PREX1: variants seen among roughly 807,000 people sequenced by gnomAD.
The protein encoded by PREX1 is phosphatidylinositol-3,4,5-trisphosphate dependent Rac exchange factor 1.
In PREX1, 41 loss-of-function variants were observed where a neutral mutation model predicts 198.3. That is an observed-to-expected ratio of 0.21 (90% CI 0.16 to 0.27). PREX1 has a LOEUF of 0.27. Ranked by LOEUF, PREX1 falls within the 10% of genes least tolerant of loss-of-function variation. PREX1 has a pLI of 1.00. For synonymous variants in PREX1, 843 were observed against 887.2 expected, an observed-to-expected ratio of 0.95 and a Z score of 0.89; for missense variants, 1,620 against 2,200.7, an observed-to-expected ratio of 0.74 and a Z score of 5.28.
At chr20:48,667,714 G>A (rs550599496) in intron 14 of PREX1, among the ~76,000 whole-genome samples, 15 of 152,352 alleles carry the variant, frequency 9.8e-5, no homozygotes, top group Admixed American at 2.0e-4. Context: ...AACCCGAAAC[G>A]TGAAGAATGA....
chr20:48,702,084 C>T (rs903723767), intron 6 of PREX1, among the ~76,000 whole-genome samples: 1 of 152,048 alleles, frequency 6.6e-6, no homozygotes, highest in Admixed American at 6.6e-5. Context: ...TGGCAGATGC[C>T]TGTAATCCCA....
the PREX1 span, among the ~76,000 whole-genome samples, chr20:48,839,262 GT>G: frequency 6.6e-6 from 1 of 152,004 alleles, no homozygotes; most frequent in Non-Finnish European, 1.5e-5. Context: ...TATGGCCTAG[GT>G]TTTGTTTTAT....
chr20:48,705,319 G>A (rs2089897844), intron 6 of PREX1, among the ~76,000 whole-genome samples: 1 of 152,228 alleles, frequency 6.6e-6, no homozygotes, highest in African/African-American at 2.4e-5. Flanking sequence ...ATCTAAACCA[G>A]TCTCACGACA....
chr20:48,651,336 T>C (rs1186858624), intron 22 of PREX1, 60 bp downstream of exon 22: 13 of 1,526,362 alleles, frequency 8.5e-6, no homozygotes, highest in African/African-American at 1.4e-5. Context: ...CAACCTTTGA[T>C]AAGAGAAACT....
chr20:48,739,282 GCCATCCCAC>G (rs1464457781), intron 3 of PREX1, among the ~76,000 whole-genome samples: 1 of 152,146 alleles, frequency 6.6e-6, no homozygotes. Context: ...CCTCAGAAAG[GCCATCCCAC>G]CCTTGGGTTG....
chr20:48,773,084 T>C (rs1021295349), intron 1 of PREX1, among the ~76,000 whole-genome samples: 5 of 151,826 alleles, frequency 3.3e-5, no homozygotes, highest in Non-Finnish European at 5.9e-5. Context: ...CTCGCCAACA[T>C]GGCAAAACCT....
At chr20:48,694,658 C>T (rs778293397) in intron 7 of PREX1, among the ~76,000 whole-genome samples, 4 of 152,276 alleles carry the variant, frequency 2.6e-5, no homozygotes, top group South Asian at 2.1e-4. Flanking sequence ...TTTGTTCCCA[C>T]GCCGACTTGG....
In PREX1 at chr20:48,646,068, A is replaced by T; in HGVS notation, c.3306-11T>A. Reference sequence around the variant, plus strand: ...ATGGTGGACAGCAGCCTACGGAAGCAAAGACCTTGAAGTCAAAGATACAGG... The same window carrying T: ...ATGGTGGACAGCAGCCTACGGAAGCTAAGACCTTGAAGTCAAAGATACAGG... On this transcript the variant is annotated splice_polypyrimidine_tract_variant and intron_variant, in intron 25 of 39. Coordinates refer to ENST00000371941, the MANE Select transcript of PREX1 (RefSeq NM_020820.4). 1 of 1,611,814 alleles carries T rather than the reference A, an allele frequency of 6.2e-7. No individual in the cohort carries two copies. Among genetic ancestry groups the T allele is most frequent in the Non-Finnish European group, 8.5e-7 (1 of 1,179,806 alleles).
chr20:48,729,580 A>T (rs2090025439), intron 4 of PREX1, among the ~76,000 whole-genome samples: 1 of 151,878 alleles, frequency 6.6e-6, no homozygotes, highest in Non-Finnish European at 1.5e-5. Context: ...GGAAAATGCA[A>T]CTCCATTCTT....
At chr20:48,658,639 C>A (rs1316899467) in intron 16 of PREX1, among the ~76,000 whole-genome samples, 3 of 152,228 alleles carry the variant, frequency 2.0e-5, no homozygotes, top group Non-Finnish European at 2.9e-5. Flanking sequence ...CTCATGGGTG[C>A]TGGAGACACC....
chr20:48,687,026 G>T (rs570328553), intron 10 of PREX1, among the ~76,000 whole-genome samples: 1 of 151,990 alleles, frequency 6.6e-6, no homozygotes, highest in African/African-American at 2.4e-5. Flanking sequence ...CCACCTTCTC[G>T]CCAGCAGCTC....
chr20:48,771,812 G>A (rs2090237249), intron 1 of PREX1, among the ~76,000 whole-genome samples: 1 of 152,178 alleles, frequency 6.6e-6, no homozygotes, highest in Non-Finnish European at 1.5e-5. Context: ...CCTGTGGGCA[G>A]GGTGTGATGC....
Position 48,676,259 on chromosome 20 carries a change from A to C in PREX1, c.1599T>G (p.Asp533Glu). ...SLYTPVIKDR[D>E]YHLKTYKSVL... Reference sequence around the variant, plus strand: ...CTGACTTGTAGGTCTTCAGGTGGTAATCACGGTCTCTGTGGAGAAGGTGAG... The same window carrying C: ...CTGACTTGTAGGTCTTCAGGTGGTACTCACGGTCTCTGTGGAGAAGGTGAG... The change falls in exon 14 of 40, where the codon GAT becomes GAG. Residue 533 changes from aspartate (D) to glutamate (E), a missense_variant. Around this residue, in one of 7 missense-constraint regions of PREX1, gnomAD observed 488 missense variants for 802.5 expected, o/e 0.61. Coordinates refer to ENST00000371941, the MANE Select transcript of PREX1 (RefSeq NM_020820.4). The C allele has an allele frequency of 1.2e-6, 2 of 1,613,874 alleles. No homozygotes were observed. Among genetic ancestry groups the C allele is most frequent in the Non-Finnish European group, 1.7e-6 (2 of 1,179,890 alleles).
chr20:48,822,212 C>T (rs1277285214), intron 1 of PREX1, among the ~76,000 whole-genome samples: 1 of 152,250 alleles, frequency 6.6e-6, no homozygotes, highest in African/African-American at 2.4e-5. Context: ...CTGTTCCAGG[C>T]TCTCCGGCAT....
intron 15 of PREX1, among the ~76,000 whole-genome samples, chr20:48,661,563 A>G (rs1256226681): frequency 7.0e-6 from 1 of 142,252 alleles, no homozygotes; most frequent in South Asian, 2.2e-4. Context: ...ATATACACAC[A>G]CACACACACA....
upstream of PREX1, among the ~76,000 whole-genome samples, chr20:48,831,538 G>A (rs554724519): frequency 2.6e-5 from 4 of 152,338 alleles, no homozygotes; most frequent in Non-Finnish European, 4.4e-5. Context: ...GGGGATAGGT[G>A]AGGATGAAGA....
Position 48,827,337 on chromosome 20 carries a change from G to C in PREX1, c.219+305C>G, listed in dbSNP as rs1213835340. 6.6e-6 allele frequency among the ~76,000 whole-genome samples: 1 copy of C among 152,174 alleles called. No homozygotes were observed. The highest frequency in any genetic ancestry group is 1.5e-5 in the Non-Finnish European group (1 of 68,024). On this transcript the variant is annotated intron_variant, in intron 1 of 39. Transcript: ENST00000371941. The surrounding 1 kb of genome is among the most constrained non-coding windows in gnomAD (Gnocchi z 4.1). The stretch of plus-strand genomic sequence containing the variant: ...GGGGTCCCCAAGCCCCTGCATCGCG[G>C]ATGTAACTAATTTTAAAACTATTTG...
intron 9 of PREX1, among the ~76,000 whole-genome samples, chr20:48,689,339 C>A (rs184469645): frequency 1.2e-4 from 19 of 152,200 alleles, no homozygotes; most frequent in South Asian, 8.3e-4. Context: ...CATGCCAGTA[C>A]GCCACATGAG....
intron 18 of PREX1, among the ~76,000 whole-genome samples, chr20:48,656,004 C>T (rs1211346012): frequency 1.3e-5 from 2 of 152,192 alleles, no homozygotes; most frequent in Non-Finnish European, 2.9e-5. Flanking sequence ...AGCCTGCTCT[C>T]AAACCAGGTG....
Sources: gnomAD v4.1 joint callset for allele counts (sites outside exome capture counted in the v4.1 genomes callset) on GRCh38, gnomAD v4.1.1 for gene constraint, gnomAD v4.1.1 regional missense constraint, Gnocchi (gnomAD v3.1) non-coding constraint, MANE v1.5 for transcripts, NCBI Gene and HGNC (gene_info 2026-07-23, HGNC 2026-07-21) for gene names.